Variants in ZNF829 observed in about 807,000 individuals in gnomAD.
ZNF829 encodes zinc finger protein 829.
Under a neutral mutation model 35.2 loss-of-function variants are expected in ZNF829, and 25 were observed. The observed-to-expected ratio is 0.71, with a 90% CI of 0.52 to 0.99. The LOEUF (loss-of-function observed/expected upper bound fraction) is 0.99. Ranked by LOEUF, ZNF829 falls within the 50% of genes least tolerant of loss-of-function variation. ZNF829 has a pLI of 0.00. For synonymous variants in ZNF829, 136 were observed against 163.2 expected (o/e 0.83, Z 1.27); for missense variants, 417 against 515.3 (o/e 0.81, Z 1.85).
chr19:36,900,849 A>G (rs1334802406), intron 5 of ZNF829, among the ~76,000 whole-genome samples: 1 of 148,848 alleles, frequency 6.7e-6, no homozygotes, highest in South Asian at 2.1e-4. Flanking sequence ...CTGTCTCAGA[A>G]AAAAAAAAAA....
chr19:36,915,978 G>C (rs1330701654), intron 1 of ZNF829, 33 bp downstream of exon 1: 2 of 1,512,358 alleles, frequency 1.3e-6, no homozygotes, highest in African/African-American at 2.8e-5. Flanking sequence ...TTGCAGACCT[G>C]AGCCAGTTCT....
At position 36,892,129 on chromosome 19, in the gene ZNF829, A is replaced by C; in HGVS notation, c.662T>G (p.Phe221Cys). Reference sequence around the variant, plus strand: ...TTGAGAAAAATATGAACTACAACTAAAAGCCTTGCCACATTCCTTACATTC... The same window carrying C: ...TTGAGAAAAATATGAACTACAACTACAAGCCTTGCCACATTCCTTACATTC... ...PYECKECGKA[F>C]SCSSYFSQHQ... Residue 221 changes from phenylalanine (F) to cysteine (C), a missense_variant, in exon 6 of 6, where the codon TTT becomes TGT. Physicochemically the swap from Phe to Cys is radical, Grantham distance 205. Coordinates refer to ENST00000391711, the MANE Select transcript of ZNF829 (RefSeq NM_001037232.4). The C allele has an allele frequency of 6.2e-7, 1 of 1,614,066 alleles. No homozygotes were observed. The highest frequency in any genetic ancestry group is 8.5e-7 in the Non-Finnish European group (1 of 1,180,002).
chr19:36,911,336 T>C (rs760399360), intron 3 of ZNF829, among the ~76,000 whole-genome samples: 6 of 151,902 alleles, frequency 3.9e-5, no homozygotes, highest in Non-Finnish European at 7.4e-5. Flanking sequence ...CTCAGCCTCC[T>C]GAGTAGCTGG....
chr19:36,906,473 C>T (rs899223927), intron 5 of ZNF829: 2 of 152,074 alleles, frequency 1.3e-5, no homozygotes, highest in African/African-American at 4.8e-5. Flanking sequence ...AATTAAAGGG[C>T]CTGGCAATAA....
chr19:36,912,241 G>C (rs2073270495), intron 3 of ZNF829, among the ~76,000 whole-genome samples: 1 of 152,156 alleles, frequency 6.6e-6, no homozygotes, highest in African/African-American at 2.4e-5. Context: ...CAGTGAACTA[G>C]AGGTTGTAAT....
intron 5 of ZNF829, among the ~76,000 whole-genome samples, chr19:36,896,353 T>C (rs2073113253): frequency 6.7e-6 from 1 of 149,178 alleles, no homozygotes; most frequent in African/African-American, 2.5e-5. Flanking sequence ...CGTGGTGGCA[T>C]GCACCTGTAA....
At chr19:36,897,131 A>C (rs988136842) in intron 5 of ZNF829, among the ~76,000 whole-genome samples, 10 of 152,210 alleles carry the variant, frequency 6.6e-5, no homozygotes, top group African/African-American at 1.7e-4. Context: ...CCAAAATTAC[A>C]AATAACTAAC....
intron 5 of ZNF829, among the ~76,000 whole-genome samples, chr19:36,903,475 T>C (rs1445185877): frequency 6.6e-6 from 1 of 152,250 alleles, no homozygotes; most frequent in East Asian, 1.9e-4. Flanking sequence ...AGGAGTCTGT[T>C]AAAATGTTTA....
intron 2 of ZNF829, 45 bp downstream of exon 2, chr19:36,915,085 C>T: frequency 5.0e-6 from 8 of 1,613,990 alleles, no homozygotes; most frequent in Non-Finnish European, 6.8e-6. Flanking sequence ...TTTCTTGGTA[C>T]CCAGATTAGT....
At chr19:36,902,469 T>C (rs1003845013) in intron 5 of ZNF829, among the ~76,000 whole-genome samples, 1 of 151,360 alleles carries the variant, frequency 6.6e-6, no homozygotes, top group African/African-American at 2.4e-5. Flanking sequence ...ATCCCATCTC[T>C]ACAAAAAATA....
At chr19:36,901,473 C>T (rs2073164868) in intron 5 of ZNF829, among the ~76,000 whole-genome samples, 1 of 152,072 alleles carries the variant, frequency 6.6e-6, no homozygotes, top group African/African-American at 2.4e-5. Flanking sequence ...CTGAATTGTA[C>T]ATTTTATGTG....
At chr19:36,907,006 T>G (rs2073221691) in intron 5 of ZNF829, 1 of 142,364 alleles carries the variant, frequency 7.0e-6, no homozygotes, top group African/African-American at 2.7e-5. Flanking sequence ...GAGAATCGCT[T>G]GAACCCAGGA....
At chr19:36,899,270 C>T (rs951763205) in intron 5 of ZNF829, among the ~76,000 whole-genome samples, 1 of 151,848 alleles carries the variant, frequency 6.6e-6, no homozygotes, top group African/African-American at 2.4e-5. Context: ...GGAGACCCCC[C>T]CCGATCTCTA....
At chr19:36,915,476 C>A (rs904992076) in intron 1 of ZNF829, among the ~76,000 whole-genome samples, 4 of 152,060 alleles carry the variant, frequency 2.6e-5, no homozygotes, top group African/African-American at 4.8e-5. Flanking sequence ...CGCAGAGTCA[C>A]AATCACACAT....
rs2073057477 is a variant in ZNF829 at position 36,891,887 on chromosome 19, C to G, written c.904G>C (p.Gly302Arg). ...CTTGAGTGTTGAGTAAAGGCTTTCC[C>G]ACATTCTTTACATTCATAAGGTTTC... ...GEKPYECKECGKAFTQHSRLI... is the reference protein window; with the variant it reads ...GEKPYECKECRKAFTQHSRLI... The change falls in exon 6 of 6, where the codon GGG becomes CGG. Residue 302 changes from glycine to arginine, a missense_variant. Transcript: ENST00000391711. 3 of 1,613,916 alleles carry G rather than the reference C, an allele frequency of 1.9e-6. No homozygotes were observed. Among genetic ancestry groups the G allele is most frequent in the African/African-American group, 2.7e-5 (2 of 74,914 alleles).
chr19:36,911,084 T>C (rs1012611837), intron 3 of ZNF829, among the ~76,000 whole-genome samples: 1 of 152,212 alleles, frequency 6.6e-6, no homozygotes, highest in Admixed American at 6.5e-5. Flanking sequence ...TTCTATATGT[T>C]ATTCTAATGA....
At chr19:36,897,180 A>C (rs1323018722) in intron 5 of ZNF829, among the ~76,000 whole-genome samples, 1 of 152,234 alleles carries the variant, frequency 6.6e-6, no homozygotes, top group Non-Finnish European at 1.5e-5. Flanking sequence ...ATGGAAGAGA[A>C]GTTAATTCTT....
At chr19:36,893,099 T>A (rs531426273) in intron 5 of ZNF829, 5 of 397,780 alleles carry the variant, frequency 1.3e-5, no homozygotes, top group African/African-American at 1.0e-4. Flanking sequence ...AAAGGACTGT[T>A]AAGAATAACA....
chr19:36,909,159 A>C (rs1318129404), intron 3 of ZNF829, among the ~76,000 whole-genome samples: 1 of 152,210 alleles, frequency 6.6e-6, no homozygotes, highest in Non-Finnish European at 1.5e-5. Context: ...TATAATTATA[A>C]AAGGCAAATC....
Sources: gnomAD v4.1 joint callset for allele counts (sites outside exome capture counted in the v4.1 genomes callset) on GRCh38, gnomAD v4.1.1 for gene constraint, MANE v1.5 for transcripts, NCBI Gene and HGNC (gene_info 2026-07-23, HGNC 2026-07-21) for gene names.